Variants in EXOC6B observed in about 807,000 individuals in gnomAD.
EXOC6B encodes the protein SEC15 homolog B.
A neutral mutation model predicts 113.5 loss-of-function variants in EXOC6B; 54 were observed. That is an observed-to-expected ratio of 0.48 (90% CI 0.38 to 0.60). The LOEUF (loss-of-function observed/expected upper bound fraction) is 0.60. Among genes scored for constraint, EXOC6B ranks in the 20% least tolerant of loss-of-function variants. The probability of loss-of-function intolerance (pLI) is 0.00; values close to 1 mark genes in which losing one functional copy is unlikely to be tolerated. For synonymous variants in EXOC6B, 357 were observed against 339.0 expected, an observed-to-expected ratio of 1.05 and a Z score of -0.58; for missense variants, 797 against 977.5, an observed-to-expected ratio of 0.82 and a Z score of 2.46.
intron 19 of EXOC6B, among the ~76,000 whole-genome samples, chr2:72,379,411 T>A (rs1315183874): frequency 6.6e-6 from 1 of 152,192 alleles, no homozygotes; most frequent in African/African-American, 2.4e-5. Context: ...AGAAGCTGCA[T>A]TCTTTTGAAG....
chr2:72,413,472 G>A (rs1694315270), intron 18 of EXOC6B, among the ~76,000 whole-genome samples: 1 of 150,424 alleles, frequency 6.6e-6, no homozygotes, highest in Non-Finnish European at 1.5e-5. Flanking sequence ...CAGATCACGA[G>A]GTCAGATCGA....
At chr2:72,714,437 T>C (rs76573067) in intron 6 of EXOC6B, among the ~76,000 whole-genome samples, 338 of 152,338 alleles carry the variant, frequency 2.2e-3, no homozygotes, top group Non-Finnish European at 3.6e-3. Context: ...GTAAGAGTTA[T>C]AGTGTACACT....
intron 19 of EXOC6B, among the ~76,000 whole-genome samples, chr2:72,362,594 G>T (rs1251384973): frequency 6.6e-6 from 1 of 152,018 alleles, no homozygotes; most frequent in Non-Finnish European, 1.5e-5. Context: ...TTATTGATGG[G>T]CTCAGAGAGG....
At chr2:72,662,681 C>T (rs1281909601) in intron 6 of EXOC6B, among the ~76,000 whole-genome samples, 2 of 152,010 alleles carry the variant, frequency 1.3e-5, no homozygotes, top group African/African-American at 4.8e-5. Context: ...TACTGAGCAA[C>T]TGGAATGCTC....
intron 18 of EXOC6B, among the ~76,000 whole-genome samples, chr2:72,408,218 A>G (rs1558639070): frequency 6.6e-6 from 1 of 152,210 alleles, no homozygotes; most frequent in Non-Finnish European, 1.5e-5. Flanking sequence ...ATAAAAAAGG[A>G]TACAAACAAA....
intron 8 of EXOC6B, among the ~76,000 whole-genome samples, chr2:72,545,186 A>G (rs1440471825): frequency 1.3e-5 from 2 of 152,174 alleles, no homozygotes; most frequent in East Asian, 3.8e-4. Flanking sequence ...CTAAAATGCC[A>G]GTAACAGATC....
At chr2:72,408,563 A>G (rs1221592971) in intron 18 of EXOC6B, among the ~76,000 whole-genome samples, 3 of 152,200 alleles carry the variant, frequency 2.0e-5, no homozygotes, top group East Asian at 1.9e-4. Context: ...ATAATGCCGC[A>G]TATATACAAC....
chr2:72,418,357 C>A (rs1272797552), intron 18 of EXOC6B, among the ~76,000 whole-genome samples: 1 of 152,208 alleles, frequency 6.6e-6, no homozygotes, highest in Non-Finnish European at 1.5e-5. Context: ...CAACTCCTGG[C>A]AACCACCATT....
intron 20 of EXOC6B, among the ~76,000 whole-genome samples, chr2:72,248,220 A>C (rs927058197): frequency 1.3e-5 from 2 of 152,234 alleles, no homozygotes; most frequent in African/African-American, 4.8e-5. Context: ...GTCCCATGAC[A>C]GGTATAAGTA....
chr2:72,682,000 TAA>T (rs34379127), intron 6 of EXOC6B, among the ~76,000 whole-genome samples: 11 of 142,294 alleles, frequency 7.7e-5, no homozygotes, highest in African/African-American at 2.3e-4. Context: ...CAGAATCTCT[TAA>T]AAAAAAAAAA....
At position 72,515,650 on chromosome 2, in the gene EXOC6B, G is replaced by T. The variant is rs552275882; in HGVS notation, c.916-524C>A. The T allele has an allele frequency of 5.1e-6, 5 of 989,168 alleles. No homozygotes were observed. The East Asian group carries it at 5.6e-4, about 111-fold the overall frequency. The allele number at this position is 989,168 out of a possible 1,614,324, so 61.3% of individuals were successfully genotyped here. On this transcript the variant is annotated intron_variant, in intron 8 of 21. Transcript: ENST00000272427. ...CAAAAAACAAAAACAAAAGCATGAA[G>T]ATTCCTGGTGCACAGCCCCACTTTT... is the stretch of plus-strand genomic sequence containing the variant.
intron 18 of EXOC6B, among the ~76,000 whole-genome samples, chr2:72,401,669 A>ATATATATATG (rs1693337018): frequency 1.0e-5 from 1 of 95,272 alleles, no homozygotes. Flanking sequence ...ATATATATGT[A>ATATATATATG]TATATATATA....
chr2:72,470,467 A>G (rs1341547354), intron 17 of EXOC6B, among the ~76,000 whole-genome samples: 2 of 151,586 alleles, frequency 1.3e-5, no homozygotes, highest in Non-Finnish European at 3.0e-5. Context: ...TTCAGCTCTA[A>G]GAGTTTTTTC....
chr2:72,488,847 C>G (rs996296172), intron 16 of EXOC6B, among the ~76,000 whole-genome samples: 4 of 152,136 alleles, frequency 2.6e-5, no homozygotes, highest in East Asian at 1.9e-4. Context: ...TAAGTCAGAT[C>G]AAGTCATTAA....
At chr2:72,298,384 C>T (rs1021318519) in intron 20 of EXOC6B, among the ~76,000 whole-genome samples, 4 of 152,086 alleles carry the variant, frequency 2.6e-5, no homozygotes, top group Non-Finnish European at 5.9e-5. Flanking sequence ...TGTGTCTTTG[C>T]ACATGAGATG....
chr2:72,198,078 G>T (rs1679279768), intron 20 of EXOC6B, among the ~76,000 whole-genome samples: 2 of 152,042 alleles, frequency 1.3e-5, no homozygotes, highest in African/African-American at 4.8e-5. Flanking sequence ...CATTAATTAG[G>T]GTCATTACCA....
At chr2:72,218,985 G>A (rs1680702372) in intron 20 of EXOC6B, among the ~76,000 whole-genome samples, 2 of 150,788 alleles carry the variant, frequency 1.3e-5, no homozygotes, top group African/African-American at 2.4e-5. Flanking sequence ...AGGAACAAAG[G>A]AAAAAAAATG....
Position 72,736,802 on chromosome 2 carries a change from G to C in EXOC6B, c.280-3684C>G, listed in dbSNP as rs1396928444. ...TGACTATCATGGACCAGGGCACCAAGGAGCTATGGGAGAAGTGTGGGATAG... is the reference window on the plus strand; with the variant it reads ...TGACTATCATGGACCAGGGCACCAACGAGCTATGGGAGAAGTGTGGGATAG... On this transcript the variant is annotated intron_variant, in intron 2 of 21. Coordinates refer to ENST00000272427, the MANE Select transcript of EXOC6B (RefSeq NM_015189.3). Among the ~76,000 whole-genome samples, 3 of 152,188 alleles carry C rather than the reference G, an allele frequency of 2.0e-5. No individual in the cohort carries two copies. The East Asian group carries it at 5.8e-4, about 29-fold the overall frequency.
At position 72,739,587 on chromosome 2, in the gene EXOC6B, A is replaced by G. The variant is rs540167097; in HGVS notation, c.279+1717T>C. Among the ~76,000 whole-genome samples, 18 of 152,182 alleles carry G rather than the reference A, an allele frequency of 1.2e-4. No homozygotes were observed. In the South Asian group the frequency reaches 1.2e-3, roughly 11 times the overall value. ...TTTCTGGTTTAGAAATTTTGTTTAG[A>G]AATGTCTCAAAATAATATAAATATT... On this transcript the variant is annotated intron_variant, in intron 2 of 21. Transcript: ENST00000272427.
Sources: gnomAD v4.1 joint callset for allele counts (sites outside exome capture counted in the v4.1 genomes callset) on GRCh38, gnomAD v4.1.1 for gene constraint, MANE v1.5 for transcripts, NCBI Gene and HGNC (gene_info 2026-07-23, HGNC 2026-07-21) for gene names.